Variants in LGSN observed in about 807,000 individuals in gnomAD.
The protein encoded by LGSN is lengsin.
Under a neutral mutation model 19.5 loss-of-function variants are expected in LGSN, and 21 were observed. That is an observed-to-expected ratio of 1.07 (90% CI 0.76 to 1.55). The LOEUF is 1.55. LGSN is among the 40% of genes most tolerant of loss of function. The pLI is 0.00. For missense variants in LGSN, 673 were observed against 608.5 expected (o/e 1.11, Z -1.12); for synonymous variants, 257 against 215.6 (o/e 1.19, Z -1.68).
the LGSN span, among the ~76,000 whole-genome samples, chr6:63,415,346 C>G: frequency 6.6e-6 from 1 of 152,064 alleles, no homozygotes; most frequent in Non-Finnish European, 1.5e-5. Context: ...AAAATAACTG[C>G]CCAAGACTGG....
chr6:63,349,036 G>A, the LGSN span, among the ~76,000 whole-genome samples: 1 of 152,102 alleles, frequency 6.6e-6, no homozygotes, highest in African/African-American at 2.4e-5. Context: ...GGAAAAGGGG[G>A]CAGAAGTCAA....
the LGSN span, among the ~76,000 whole-genome samples, chr6:63,331,213 C>G: frequency 6.6e-6 from 1 of 152,122 alleles, no homozygotes; most frequent in African/African-American, 2.4e-5. Context: ...AGGTCCTCCT[C>G]TGGGATGTAA....
chr6:63,362,214 A>C, the LGSN span, among the ~76,000 whole-genome samples: 1 of 152,232 alleles, frequency 6.6e-6, no homozygotes, highest in Non-Finnish European at 1.5e-5. Context: ...ATCACAATTA[A>C]AAGTTAATAC....
At chr6:63,368,691 A>G in the LGSN span, among the ~76,000 whole-genome samples, 1 of 152,166 alleles carries the variant, frequency 6.6e-6, no homozygotes, top group African/African-American at 2.4e-5. Flanking sequence ...TTTAAAATTC[A>G]TTTATTTTGT....
chr6:63,537,375 G>A, the LGSN span, among the ~76,000 whole-genome samples: 1 of 152,210 alleles, frequency 6.6e-6, no homozygotes, highest in African/African-American at 2.4e-5. Flanking sequence ...GCAGGATAAA[G>A]AGGAAAAACC....
the LGSN span, chr6:63,572,859 G>C: frequency 2.3e-5 from 9 of 393,582 alleles, no homozygotes; most frequent in Non-Finnish European, 3.1e-5. Flanking sequence ...GGGTGGGAGC[G>C]GGCGGGTTAT....
At chr6:63,453,594 T>C in the LGSN span, among the ~76,000 whole-genome samples, 1 of 152,274 alleles carries the variant, frequency 6.6e-6, no homozygotes, top group Non-Finnish European at 1.5e-5. Flanking sequence ...CCCTGCTTTT[T>C]TTTTTGTTTG....
chr6:63,329,918 G>A, the LGSN span, among the ~76,000 whole-genome samples: 1 of 152,218 alleles, frequency 6.6e-6, no homozygotes, highest in African/African-American at 2.4e-5. Context: ...AATGGACCTT[G>A]AGGACAGTCA....
chr6:63,305,070 C>T (rs1210595629), intron 1 of LGSN, among the ~76,000 whole-genome samples: 1 of 152,096 alleles, frequency 6.6e-6, no homozygotes, highest in Non-Finnish European at 1.5e-5. Context: ...CAAATCAAAA[C>T]AAAATCACTC....
the LGSN span, among the ~76,000 whole-genome samples, chr6:63,545,280 C>A: frequency 6.6e-6 from 1 of 152,170 alleles, no homozygotes; most frequent in Non-Finnish European, 1.5e-5. Context: ...CCTTTGAGTA[C>A]TTCCTTAATC....
chr6:63,410,275 C>T, the LGSN span, among the ~76,000 whole-genome samples: 12 of 152,048 alleles, frequency 7.9e-5, no homozygotes, highest in African/African-American at 2.9e-4. Context: ...ATAATTGGTC[C>T]ATTCTAAACT....
intron 1 of LGSN, 89 bp from the exon 2 acceptor site, chr6:63,295,134 A>T: frequency 8.3e-7 from 1 of 1,200,186 alleles, no homozygotes; most frequent in African/African-American, 1.5e-5. Context: ...GAATAGCTCA[A>T]TTTTTTAATG....
At chr6:63,383,272 T>A in the LGSN span, among the ~76,000 whole-genome samples, 1,282 of 149,952 alleles carry the variant, frequency 8.5e-3, 21 homozygotes, top group African/African-American at 0.03. Flanking sequence ...CAAGAGTGGA[T>A]TTTTTTTTTA....
the LGSN span, among the ~76,000 whole-genome samples, chr6:63,495,523 A>G: frequency 7.7e-6 from 1 of 129,606 alleles, no homozygotes; most frequent in Non-Finnish European, 1.5e-5. Context: ...CAGTGGTGAG[A>G]TCTCAGCGCT....
At chr6:63,514,346 G>A in the LGSN span, among the ~76,000 whole-genome samples, 1 of 152,184 alleles carries the variant, frequency 6.6e-6, no homozygotes, top group African/African-American at 2.4e-5. Context: ...TCCTGCCTCA[G>A]ATCCCTGAAC....
the LGSN span, among the ~76,000 whole-genome samples, chr6:63,533,176 G>T: frequency 1.3e-5 from 2 of 152,196 alleles, no homozygotes; most frequent in Admixed American, 6.5e-5. Context: ...GAGGTCACGA[G>T]TTCAATACAA....
the LGSN span, among the ~76,000 whole-genome samples, chr6:63,522,526 G>C: frequency 6.6e-6 from 1 of 152,154 alleles, no homozygotes; most frequent in South Asian, 2.1e-4. Flanking sequence ...AGCAAAGAGA[G>C]CAATAGGAAG....
intron 3 of LGSN, among the ~76,000 whole-genome samples, chr6:63,283,996 G>A (rs757208772): frequency 6.6e-6 from 1 of 151,970 alleles, no homozygotes. Context: ...CACTGTGCCC[G>A]GCCTCTTAAA....
chr6:63,445,103 GA>G, the LGSN span, among the ~76,000 whole-genome samples: 1 of 152,216 alleles, frequency 6.6e-6, no homozygotes, highest in African/African-American at 2.4e-5. Flanking sequence ...CTGAGGTCAG[GA>G]GTTCGAGACC....
Sources: gnomAD v4.1 joint callset for allele counts (sites outside exome capture counted in the v4.1 genomes callset) on GRCh38, gnomAD v4.1.1 for gene constraint, MANE v1.5 for transcripts, NCBI Gene and HGNC (gene_info 2026-07-23, HGNC 2026-07-21) for gene names.